The following PCDH7 variants were observed in gnomAD, a reference collection of about 807,000 sequenced individuals.
PCDH7 encodes protocadherin-7.
A neutral mutation model predicts 58.9 loss-of-function variants in PCDH7; 17 were observed. The ratio of observed to expected loss-of-function variants is 0.29; its 90% CI spans 0.20 to 0.43. The LOEUF (loss-of-function observed/expected upper bound fraction) is 0.43, where lower values mean the gene tolerates loss of function less well. PCDH7 is among the 20% of genes least tolerant of loss of function. PCDH7 has a pLI of 1.00. For synonymous variants in PCDH7, 664 were observed against 616.4 expected (o/e 1.08, Z -1.14); for missense variants, 1,274 against 1,441.0 (o/e 0.88, Z 1.88).
chr4:30,944,974 C>T (rs1407067628), intron 2 of PCDH7, among the ~76,000 whole-genome samples: 2 of 151,750 alleles, frequency 1.3e-5, no homozygotes, highest in African/African-American at 2.4e-5. Flanking sequence ...ATACATTTGC[C>T]GATAGTGTTT....
chr4:30,758,450 T>G (rs890506554), intron 1 of PCDH7, among the ~76,000 whole-genome samples: 13 of 152,226 alleles, frequency 8.5e-5, no homozygotes, highest in African/African-American at 3.1e-4. Flanking sequence ...TTTAAAACAT[T>G]TATCTTACAG....
downstream of PCDH7, chr4:31,144,953 A>G (rs1445144685): frequency 6.6e-6 from 1 of 152,190 alleles, no homozygotes; most frequent in Non-Finnish European, 1.5e-5. Flanking sequence ...AGTACCTATT[A>G]AGACAAAATA....
At chr4:30,792,542 G>A (rs987353322) in intron 1 of PCDH7, among the ~76,000 whole-genome samples, 21 of 152,192 alleles carry the variant, frequency 1.4e-4, no homozygotes, top group African/African-American at 4.6e-4. Context: ...AAGTTCTAAT[G>A]AAGAGTTAAA....
At chr4:31,069,367 T>A (rs1758352983) in intron 3 of PCDH7, among the ~76,000 whole-genome samples, 1 of 150,348 alleles carries the variant, frequency 6.7e-6, no homozygotes, top group African/African-American at 2.4e-5. Context: ...CCCTGGTGCC[T>A]CATGCCTCAA....
chr4:30,962,776 T>TAA lies in PCDH7; in HGVS notation c.*7+12589_*7+12590dup, dbSNP rs57257786. ...TGGGGGTCAGAATGAGACCCAGTCT[T>TAA]AAAAAAAAAAAAAAAAAAAAAAAAA... On this transcript the variant is annotated intron_variant, in intron 3 of 3. Transcript: ENST00000509759. Among the ~76,000 whole-genome samples the TAA allele has an allele frequency of 1.6e-3, 114 of 70,606 alleles. 3 individuals are homozygous for TAA. The highest frequency in any genetic ancestry group is 4.6e-3 in the African/African-American group (87 of 18,840). The allele number at this position is 70,606 out of a possible 152,430, so 46.3% of individuals were successfully genotyped here. A position where few individuals can be genotyped will look rare whatever the true frequency, so the allele number is the denominator to read the frequency against.
intron 3 of PCDH7, among the ~76,000 whole-genome samples, chr4:31,054,864 G>A (rs1056791497): frequency 3.9e-5 from 6 of 151,980 alleles, no homozygotes; most frequent in African/African-American, 1.5e-4. Flanking sequence ...TCTTCACATA[G>A]CATCTTTTAT....
intron 3 of PCDH7, among the ~76,000 whole-genome samples, chr4:31,036,208 T>C (rs975416794): frequency 6.6e-6 from 1 of 152,190 alleles, no homozygotes; most frequent in Non-Finnish European, 1.5e-5. Flanking sequence ...ATTTTTGAGA[T>C]GGAGTTTCAC....
chr4:30,838,859 T>C (rs1730858347), intron 1 of PCDH7, among the ~76,000 whole-genome samples: 2 of 152,092 alleles, frequency 1.3e-5, no homozygotes, highest in Non-Finnish European at 1.5e-5. Context: ...TTCTTAGAAA[T>C]CAACTCATCC....
intron 1 of PCDH7, among the ~76,000 whole-genome samples, chr4:30,859,747 A>G (rs1200164291): frequency 6.6e-6 from 1 of 152,094 alleles, no homozygotes; most frequent in Non-Finnish European, 1.5e-5. Context: ...GCCAGCTCTG[A>G]TTCTTTAGAA....
At chr4:30,807,108 C>G (rs186786238) in intron 1 of PCDH7, among the ~76,000 whole-genome samples, 7 of 152,272 alleles carry the variant, frequency 4.6e-5, no homozygotes, top group African/African-American at 1.7e-4. Flanking sequence ...TCATGAAGAA[C>G]TACATGTTTT....
intron 1 of PCDH7, among the ~76,000 whole-genome samples, chr4:30,913,966 G>T (rs1282053079): frequency 1.3e-5 from 2 of 152,084 alleles, no homozygotes; most frequent in Non-Finnish European, 2.9e-5. Context: ...ATTCAGAAAT[G>T]ATCACTGTAA....
At chr4:30,901,838 C>T (rs2109395021) in intron 1 of PCDH7, among the ~76,000 whole-genome samples, 3 of 152,200 alleles carry the variant, frequency 2.0e-5, no homozygotes, top group Middle Eastern at 3.4e-3. Context: ...TTTAAATAAA[C>T]TGGGCTATGC....
At chr4:30,841,302 G>A (rs1435077079) in intron 1 of PCDH7, among the ~76,000 whole-genome samples, 2 of 151,926 alleles carry the variant, frequency 1.3e-5, no homozygotes, top group African/African-American at 4.8e-5. Flanking sequence ...ATATTTTTCC[G>A]GAGGTTTTTA....
intron 1 of PCDH7, among the ~76,000 whole-genome samples, chr4:30,745,954 C>G (rs960422947): frequency 1.3e-5 from 2 of 152,110 alleles, no homozygotes; most frequent in Non-Finnish European, 2.9e-5. Context: ...ATTCTCCTGC[C>G]TCAGCCTCCC....
intron 3 of PCDH7, among the ~76,000 whole-genome samples, chr4:31,079,309 GATATATATATATATAT>G (rs149501069): frequency 0.026 from 1,773 of 67,294 alleles, 49 homozygotes; most frequent in Non-Finnish European, 0.04. Flanking sequence ...AATACTGGAA[GATATATATATATATAT>G]ATATATATAT....
chr4:30,995,190 G>A (rs547310721), intron 3 of PCDH7, among the ~76,000 whole-genome samples: 9 of 152,114 alleles, frequency 5.9e-5, no homozygotes, highest in African/African-American at 2.2e-4. Flanking sequence ...CATTGGTGCT[G>A]ACAGTTTATA....
chr4:30,821,774 G>A (rs143110194), intron 1 of PCDH7, among the ~76,000 whole-genome samples: 68 of 152,156 alleles, frequency 4.5e-4, no homozygotes, highest in Non-Finnish European at 8.2e-4. Context: ...TTGAATTGCC[G>A]GAATTCAAAA....
chr4:30,775,635 T>C (rs1254719681), intron 1 of PCDH7, among the ~76,000 whole-genome samples: 1 of 152,124 alleles, frequency 6.6e-6, no homozygotes, highest in African/African-American at 2.4e-5. Context: ...AGGACGGGCA[T>C]GGTGGCTTAC....
At chr4:30,903,405 T>G (rs1740485529) in intron 1 of PCDH7, among the ~76,000 whole-genome samples, 1 of 152,070 alleles carries the variant, frequency 6.6e-6, no homozygotes, top group Admixed American at 6.6e-5. Context: ...TCAGTTATTT[T>G]TTATTCTTAC....
Sources: gnomAD v4.1 joint callset for allele counts (sites outside exome capture counted in the v4.1 genomes callset) on GRCh38, gnomAD v4.1.1 for gene constraint, MANE v1.5 for transcripts, NCBI Gene and HGNC (gene_info 2026-07-23, HGNC 2026-07-21) for gene names.